FAM78B: variants seen among roughly 807,000 people sequenced by gnomAD.
FAM78B encodes the protein protein FAM78B.
In FAM78B, 10 loss-of-function variants were observed where a neutral mutation model predicts 20.0. The ratio of observed to expected loss-of-function variants is 0.50; its 90% CI spans 0.31 to 0.85. FAM78B has a LOEUF of 0.85. Among genes scored for constraint, FAM78B ranks in the 40% least tolerant of loss-of-function variants. The probability of loss-of-function intolerance (pLI) is 0.05; values close to 1 mark genes in which losing one functional copy is unlikely to be tolerated. For missense variants in FAM78B, 283 were observed against 345.0 expected (o/e 0.82, Z 1.42); for synonymous variants, 135 against 132.8 (o/e 1.02, Z -0.12).
chr1:166,111,991 C>T (rs994892581), intron 1 of FAM78B, among the ~76,000 whole-genome samples: 1 of 152,168 alleles, frequency 6.6e-6, no homozygotes, highest in African/African-American at 2.4e-5. Flanking sequence ...GTCACGTTTT[C>T]TTTATTTTAA....
intron 1 of FAM78B, among the ~76,000 whole-genome samples, chr1:166,078,467 T>G (rs540837691): frequency 9.8e-5 from 15 of 152,348 alleles, no homozygotes; most frequent in Admixed American, 9.1e-4. Context: ...GGCCTAATAA[T>G]GAAAACATTG....
At chr1:166,058,499 T>TTGTGTGTGTGTG (rs67247909) in exon 3 of FAM78B, 7 of 146,052 alleles carry the variant, frequency 4.8e-5, no homozygotes, top group East Asian at 2.1e-4. Flanking sequence ...TCCCTAGGCT[T>TTGTGTGTGTGTG]TGTGTGTGTG....
intron 1 of FAM78B, among the ~76,000 whole-genome samples, chr1:166,083,267 T>A (rs900643793): frequency 1.3e-5 from 2 of 152,184 alleles, no homozygotes; most frequent in Non-Finnish European, 2.9e-5. Flanking sequence ...AAAATTAATT[T>A]GTCTTTATTC....
At chr1:166,078,850 T>A (rs1398905075) in intron 1 of FAM78B, among the ~76,000 whole-genome samples, 1 of 151,818 alleles carries the variant, frequency 6.6e-6, no homozygotes, top group Non-Finnish European at 1.5e-5. Flanking sequence ...CCTGGAGAGC[T>A]TCTAGGGCAG....
chr1:166,059,244 T>C (rs1651476815), exon 3 of FAM78B: 2 of 152,586 alleles, frequency 1.3e-5, no homozygotes, highest in Admixed American at 6.5e-5. Context: ...ACCTGCCCCC[T>C]CTCCAGGGAT....
At chr1:166,080,310 T>C (rs1403776514) in intron 1 of FAM78B, among the ~76,000 whole-genome samples, 2 of 151,844 alleles carry the variant, frequency 1.3e-5, no homozygotes, top group Admixed American at 6.6e-5. Context: ...TAATGCCTTC[T>C]CTTTGGCCAC....
At chr1:166,074,899 C>T (rs928932375) in intron 1 of FAM78B, among the ~76,000 whole-genome samples, 2 of 152,188 alleles carry the variant, frequency 1.3e-5, no homozygotes, top group African/African-American at 2.4e-5. Flanking sequence ...ATGCAGGCTA[C>T]AGCAGGGGAA....
At chr1:166,111,164 C>T (rs1054887334) in intron 1 of FAM78B, among the ~76,000 whole-genome samples, 5 of 152,198 alleles carry the variant, frequency 3.3e-5, no homozygotes, top group African/African-American at 1.2e-4. Context: ...TCTTTCATAT[C>T]TCCTCTGGGT....
intron 1 of FAM78B, among the ~76,000 whole-genome samples, chr1:166,116,089 T>C: frequency 6.6e-6 from 1 of 152,122 alleles, no homozygotes; most frequent in East Asian, 1.9e-4. Flanking sequence ...GCTGGTCAGT[T>C]TGTAAAGCCA....
intron 2 of FAM78B, among the ~76,000 whole-genome samples, chr1:166,061,135 T>G (rs1263447968): frequency 6.6e-6 from 1 of 152,176 alleles, no homozygotes; most frequent in Non-Finnish European, 1.5e-5. Context: ...CCAAATCACA[T>G]GAGATAAAAC....
chr1:166,147,517 T>G (rs1655506301), intron 1 of FAM78B, among the ~76,000 whole-genome samples: 1 of 152,196 alleles, frequency 6.6e-6, no homozygotes, highest in Non-Finnish European at 1.5e-5. Flanking sequence ...TGTCAAGGTG[T>G]TTTTATGGGT....
In FAM78B at chr1:166,077,358, T is replaced by C. The variant is rs1652314447; in HGVS notation, c.264-6595A>G. Among the ~76,000 whole-genome samples, 3 of 152,228 alleles carry C rather than the reference T, an allele frequency of 2.0e-5. No homozygotes were observed. In the South Asian group the frequency reaches 6.2e-4, roughly 32 times the overall value. ...TCTAAGAAATAAGGAATAAAGATAA[T>C]AACAGTACTTACTTGATGTACTTGG... On this transcript the variant is annotated intron_variant, in intron 1 of 1. Coordinates refer to ENST00000354422, the MANE Select transcript of FAM78B (RefSeq NM_001017961.5).
intron 1 of FAM78B, among the ~76,000 whole-genome samples, chr1:166,132,920 G>C (rs55793574): frequency 6.6e-6 from 1 of 152,196 alleles, no homozygotes; most frequent in Non-Finnish European, 1.5e-5. Context: ...AAAATGATAA[G>C]GGCAGTTTGT....
intron 1 of FAM78B, among the ~76,000 whole-genome samples, chr1:166,090,087 G>A (rs1344307868): frequency 6.6e-6 from 1 of 152,134 alleles, no homozygotes; most frequent in Non-Finnish European, 1.5e-5. Context: ...AAATAAAAGT[G>A]AGGTCCTGAG....
chr1:166,110,865 A>C (rs558687462), intron 1 of FAM78B, among the ~76,000 whole-genome samples: 1 of 152,320 alleles, frequency 6.6e-6, no homozygotes, highest in East Asian at 1.9e-4. Flanking sequence ...TGAATTAAGA[A>C]GTTACAAGTG....
intron 1 of FAM78B, among the ~76,000 whole-genome samples, chr1:166,089,181 T>G (rs537800119): frequency 6.6e-6 from 1 of 152,342 alleles, no homozygotes; most frequent in African/African-American, 2.4e-5. Flanking sequence ...CCTCCCACGC[T>G]GAACGAAACT....
downstream of FAM78B, chr1:166,057,350 G>A (rs1338476035): frequency 6.6e-6 from 1 of 152,202 alleles, no homozygotes; most frequent in East Asian, 1.9e-4. Flanking sequence ...GAGCTTGCTT[G>A]TTCCTGGGGC....
chr1:166,073,012 A>G (rs1652109128), intron 1 of FAM78B, among the ~76,000 whole-genome samples: 1 of 152,190 alleles, frequency 6.6e-6, no homozygotes, highest in Non-Finnish European at 1.5e-5. Flanking sequence ...AAATCATAAA[A>G]CTTAGTTTGG....
intron 1 of FAM78B, among the ~76,000 whole-genome samples, chr1:166,115,127 T>C (rs1654207924): frequency 6.6e-6 from 1 of 152,146 alleles, no homozygotes; most frequent in East Asian, 1.9e-4. Flanking sequence ...GTCTACTGAG[T>C]GCCAGAGACC....
Sources: gnomAD v4.1 joint callset for allele counts (sites outside exome capture counted in the v4.1 genomes callset) on GRCh38, gnomAD v4.1.1 for gene constraint, MANE v1.5 for transcripts, NCBI Gene and HGNC (gene_info 2026-07-23, HGNC 2026-07-21) for gene names.